Variants in PIEZO2 observed in about 807,000 individuals in gnomAD.
The protein encoded by PIEZO2 is piezo type mechanosensitive ion channel component 2.
Under a neutral mutation model 337.3 loss-of-function variants are expected in PIEZO2, and 172 were observed. That is an observed-to-expected ratio of 0.51 (90% CI 0.45 to 0.58). The LOEUF is 0.58. PIEZO2 is among the 20% of genes least tolerant of loss of function. The probability of loss-of-function intolerance (pLI) is 0.00; values close to 1 mark genes in which losing one functional copy is unlikely to be tolerated. For missense variants in PIEZO2, 3,028 were observed against 3,391.3 expected, an observed-to-expected ratio of 0.89 and a Z score of 2.66; for synonymous variants, 1,251 against 1,228.5, an observed-to-expected ratio of 1.02 and a Z score of -0.38.
In PIEZO2 at chr18:10,731,177, T is replaced by TATATATATA. The variant is rs1555633703; in HGVS notation, c.5029+229_5029+230insTATATATAT. 2.2e-3 allele frequency among the ~76,000 whole-genome samples: 78 copies of TATATATATA among 35,226 alleles called. 5 individuals carry two copies. The highest frequency in any genetic ancestry group is 2.6e-3 in the Non-Finnish European group (53 of 20,228). The allele number at this position is 35,226 out of a possible 152,430, so 23.1% of individuals were successfully genotyped here. On this transcript the variant is annotated intron_variant, in intron 36 of 55. Coordinates refer to ENST00000674853, the MANE Select transcript of PIEZO2 (RefSeq NM_001378183.1). ...CTCTCCTTTTTTCCTACTTAAAAGATTATATATATATATATATATATATAT... is the reference window on the plus strand; with the variant it reads ...CTCTCCTTTTTTCCTACTTAAAAGATATATATATATATATATATATATATATATATATAT...
At position 11,097,817 on chromosome 18, in the gene PIEZO2, T is replaced by C. The variant is rs528644921; in HGVS notation, c.65-31595A>G. ...AAAAAGTCTACCCACTGGGCTGTTTTCTAAAGACTTCTGTGGACTTCTATG... is the reference window on the plus strand; with the variant it reads ...AAAAAGTCTACCCACTGGGCTGTTTCCTAAAGACTTCTGTGGACTTCTATG... On this transcript the variant is annotated intron_variant, in intron 1 of 55. Coordinates refer to ENST00000674853, the MANE Select transcript of PIEZO2 (RefSeq NM_001378183.1). The surrounding 1 kb of genome is among the most constrained non-coding windows in gnomAD (Gnocchi z 5.0). 6.6e-6 allele frequency among the ~76,000 whole-genome samples: 1 copy of C among 152,384 alleles called. No homozygotes were observed. Among genetic ancestry groups the C allele is most frequent in the South Asian group, 2.1e-4 (1 of 4,832 alleles).
Position 10,962,029 on chromosome 18 carries a change from G to A in PIEZO2, c.286+17506C>T, listed in dbSNP as rs114715784. Among the ~76,000 whole-genome samples, 377 of 152,222 alleles carry A rather than the reference G, an allele frequency of 2.5e-3. 3 individuals carry two copies. The highest frequency in any genetic ancestry group is 8.4e-3 in the African/African-American group (350 of 41,524). On this transcript the variant is annotated intron_variant, in intron 3 of 55. Transcript: ENST00000674853. The surrounding 1 kb of genome is among the most constrained non-coding windows in gnomAD (Gnocchi z 4.1). ...CTGCACTCTGTGGGCTCTGTGTAAAGCCATCCAGAAATGCACCACTGATTC... is the reference window on the plus strand; with the variant it reads ...CTGCACTCTGTGGGCTCTGTGTAAAACCATCCAGAAATGCACCACTGATTC...
chr18:10,813,354 C>A lies in PIEZO2; in HGVS notation c.918-6080G>T, dbSNP rs1415852083. Among the ~76,000 whole-genome samples the A allele has an allele frequency of 6.6e-6, 1 of 152,158 alleles. No individual in the cohort carries two copies. Among genetic ancestry groups the A allele is most frequent in the Admixed American group, 6.5e-5 (1 of 15,276 alleles). On this transcript the variant is annotated intron_variant, in intron 7 of 55. Coordinates refer to ENST00000674853, the MANE Select transcript of PIEZO2 (RefSeq NM_001378183.1). The surrounding 1 kb of genome is among the most constrained non-coding windows in gnomAD (Gnocchi z 4.2). Reference sequence around the variant, plus strand: ...ATTGTTGCGAAACCAATCGCCAGAACTTTTTCATCTTGCAAAACTAAAATT... The same window carrying A: ...ATTGTTGCGAAACCAATCGCCAGAAATTTTTCATCTTGCAAAACTAAAATT...
intron 36 of PIEZO2, chr18:10,725,276 A>G: frequency 6.4e-7 from 1 of 1,568,090 alleles, no homozygotes; most frequent in Non-Finnish European, 8.8e-7. Context: ...ACCAAGTGCC[A>G]GATATGGTCC....
At chr18:10,740,874 A>T (rs757009150) in intron 33 of PIEZO2, 157 bp downstream of exon 33, 2 of 751,662 alleles carry the variant, frequency 2.7e-6, no homozygotes, top group Non-Finnish European at 4.7e-6. Flanking sequence ...GGGCTCAAAG[A>T]CCCACTGACA....
intron 34 of PIEZO2, 23 bp downstream of exon 34, chr18:10,736,581 G>C (rs770877694): frequency 6.5e-7 from 1 of 1,536,678 alleles, no homozygotes; most frequent in African/African-American, 1.4e-5. Flanking sequence ...AACTAGCAAA[G>C]AAATGATTTT....
intron 3 of PIEZO2, among the ~76,000 whole-genome samples, chr18:10,966,590 G>A (rs2034008691): frequency 6.6e-6 from 1 of 152,048 alleles, no homozygotes; most frequent in African/African-American, 2.4e-5. Context: ...TGAATCACTG[G>A]AGTAGCTGTT....
At chr18:10,690,856 A>G (rs1030688511) in intron 48 of PIEZO2, among the ~76,000 whole-genome samples, 9 of 152,190 alleles carry the variant, frequency 5.9e-5, no homozygotes. Context: ...TCTAAGGATA[A>G]TTTGGAATTC....
chr18:10,903,054 T>C lies in PIEZO2; in HGVS notation c.329+8132A>G, dbSNP rs753569674. On this transcript the variant is annotated intron_variant, in intron 4 of 55. Transcript: ENST00000674853. This position sits in a 1 kb window ranked among gnomAD's most constrained non-coding sequence, Gnocchi z 4.1. ...CAGGCTGCCCCGGGGAGACAGCAGC[T>C]ATGGGGAGGCACCAACCCATGGGCT... Among the ~76,000 whole-genome samples the C allele has an allele frequency of 6.6e-6, 1 of 152,166 alleles. No homozygotes were observed. Among genetic ancestry groups the C allele is most frequent in the Non-Finnish European group, 1.5e-5 (1 of 68,036 alleles).
Position 11,070,932 on chromosome 18 carries a change from C to G in PIEZO2, c.65-4710G>C, listed in dbSNP as rs1265869505. Among the ~76,000 whole-genome samples, 1 of 152,030 alleles carries G rather than the reference C, an allele frequency of 6.6e-6. No homozygotes were observed. The highest frequency in any genetic ancestry group is 1.5e-5 in the Non-Finnish European group (1 of 68,018). On this transcript the variant is annotated intron_variant, in intron 1 of 55. Transcript: ENST00000674853. This position sits in a 1 kb window ranked among gnomAD's most constrained non-coding sequence, Gnocchi z 4.3. ...GAAGACCAGATCAAGAAGCACTAATCCCAGAATGCGGACAACAGGAGCATA... is the reference window on the plus strand; with the variant it reads ...GAAGACCAGATCAAGAAGCACTAATGCCAGAATGCGGACAACAGGAGCATA...
At position 10,783,192 on chromosome 18, in the gene PIEZO2, A is replaced by G. The variant is rs929751236; in HGVS notation, c.2492+1592T>C. Among the ~76,000 whole-genome samples, 8 of 152,124 alleles carry G rather than the reference A, an allele frequency of 5.3e-5. No homozygotes were observed. The highest frequency in any genetic ancestry group is 1.0e-4 in the Non-Finnish European group (7 of 68,018). ...TCACTAGCAATGCTTAATAATTACA[A>G]CTCCTTCACAAACATATAAATTGGC... is the stretch of plus-strand genomic sequence containing the variant. On this transcript the variant is annotated intron_variant, in intron 17 of 55. Coordinates refer to ENST00000674853, the MANE Select transcript of PIEZO2 (RefSeq NM_001378183.1). The surrounding 1 kb of genome is among the most constrained non-coding windows in gnomAD (Gnocchi z 4.3).
chr18:10,689,516 G>T, intron 49 of PIEZO2, 139 bp downstream of exon 49: 1 of 1,118,504 alleles, frequency 8.9e-7, no homozygotes, highest in Non-Finnish European at 1.3e-6. Context: ...CTAGTGGGTT[G>T]GAAATCACTG....
chr18:10,843,750 A>G lies in PIEZO2; in HGVS notation c.917+11603T>C, dbSNP rs2041265167. Among the ~76,000 whole-genome samples the G allele has an allele frequency of 3.3e-5, 5 of 152,212 alleles. No homozygotes were observed. The South Asian group carries it at 8.3e-4, about 25-fold the overall frequency. On this transcript the variant is annotated intron_variant, in intron 7 of 55. Coordinates refer to ENST00000674853, the MANE Select transcript of PIEZO2 (RefSeq NM_001378183.1). ...ATACAGTTTCCGACCTCGAGTTGCC[A>G]GGTGAATTCTCCAGCAGTGCTCCCT...
rs546977581 is a variant in PIEZO2 at position 10,947,175 on chromosome 18, G to T, written c.286+32360C>A. 3.5e-3 allele frequency among the ~76,000 whole-genome samples: 535 copies of T among 152,080 alleles called. 2 individuals carry two copies. Among genetic ancestry groups the T allele is most frequent in the South Asian group, 0.014 (68 of 4,812 alleles). ...AGGGAAAAAAATCTGTAGAAAAAAA[G>T]CAGAAAATAAACTAAAATAAATAAA... is the stretch of plus-strand genomic sequence containing the variant. On this transcript the variant is annotated intron_variant, in intron 3 of 55. Coordinates refer to ENST00000674853, the MANE Select transcript of PIEZO2 (RefSeq NM_001378183.1).
intron 8 of PIEZO2, among the ~76,000 whole-genome samples, chr18:10,804,312 C>T (rs2144302801): frequency 6.6e-6 from 1 of 152,314 alleles, no homozygotes; most frequent in Non-Finnish European, 1.5e-5. Context: ...TGGCTCTTAG[C>T]CAAGAGCCTT....
chr18:10,885,073 A>G (rs950055226), intron 4 of PIEZO2, among the ~76,000 whole-genome samples: 2 of 152,104 alleles, frequency 1.3e-5, no homozygotes, highest in African/African-American at 2.4e-5. Flanking sequence ...ATGGAAGAAA[A>G]TACATTCCCG....
At chr18:11,034,832 G>C (rs9954227) in intron 2 of PIEZO2, among the ~76,000 whole-genome samples, 31,156 of 151,996 alleles carry the variant, frequency 0.2, 3,690 homozygotes, top group African/African-American at 0.32. Flanking sequence ...GCAACAGAGC[G>C]AGACTCCGTC....
At chr18:11,141,583 G>A (rs1209298026) in intron 1 of PIEZO2, among the ~76,000 whole-genome samples, 3 of 152,194 alleles carry the variant, frequency 2.0e-5, no homozygotes, top group Admixed American at 6.5e-5. Flanking sequence ...TGAACAAGGT[G>A]CTTGGTGTGG....
Position 10,982,220 on chromosome 18 carries a change from G to A in PIEZO2, c.161-2560C>T, listed in dbSNP as rs143801885. Reference sequence around the variant, plus strand: ...TAAATATCCATTACTAGGTGTATTCGGGTTCTCTAGAGGGACAGGACTAAT... The same window carrying A: ...TAAATATCCATTACTAGGTGTATTCAGGTTCTCTAGAGGGACAGGACTAAT... On this transcript the variant is annotated intron_variant, in intron 2 of 55. Coordinates refer to ENST00000674853, the MANE Select transcript of PIEZO2 (RefSeq NM_001378183.1). This position sits in a 1 kb window ranked among gnomAD's most constrained non-coding sequence, Gnocchi z 4.1. Among the ~76,000 whole-genome samples, 928 of 152,128 alleles carry A rather than the reference G, an allele frequency of 6.1e-3. 6 individuals carry two copies. Among genetic ancestry groups the A allele is most frequent in the Non-Finnish European group, 0.01 (683 of 68,024 alleles).
Sources: allele counts gnomAD v4.1 joint callset (sites outside exome capture counted in the v4.1 genomes callset), GRCh38; gene constraint gnomAD v4.1.1; non-coding constraint Gnocchi (gnomAD v3.1); transcripts MANE v1.5; gene names NCBI Gene and HGNC (gene_info 2026-07-23, HGNC 2026-07-21).